Variants in BEAN1 observed in about 807,000 individuals in gnomAD.
BEAN1 encodes protein BEAN1.
A neutral mutation model predicts 17.7 loss-of-function variants in BEAN1; 17 were observed. The ratio of observed to expected loss-of-function variants is 0.96; its 90% CI spans 0.66 to 1.44. The LOEUF is 1.44. Ranked by LOEUF, BEAN1 falls within the 40% of genes most tolerant of loss-of-function variation. The probability of loss-of-function intolerance (pLI) is 0.00; values close to 1 mark genes in which losing one functional copy is unlikely to be tolerated. For missense variants in BEAN1, 359 were observed against 374.1 expected (o/e 0.96, Z 0.33); for synonymous variants, 142 against 151.8 (o/e 0.94, Z 0.47).
intron 2 of BEAN1, among the ~76,000 whole-genome samples, chr16:66,447,970 G>A (rs374204862): frequency 6.6e-6 from 1 of 152,248 alleles, no homozygotes; most frequent in Non-Finnish European, 1.5e-5. Flanking sequence ...CAGTGAAGAT[G>A]CAGAGGAGAA....
rs1238463570 is a variant in BEAN1 at position 66,471,928 on chromosome 16, A to C, written c.289+2063A>C. Among the ~76,000 whole-genome samples the C allele has an allele frequency of 6.6e-6, 1 of 152,116 alleles. No individual in the cohort carries two copies. The highest frequency in any genetic ancestry group is 6.5e-5 in the Admixed American group (1 of 15,282). ...CCCTGCAAGAGAAACCCAGGTCCCCAAGCCCTGGAGGATGCCGGGTAGACC... is the reference window on the plus strand; with the variant it reads ...CCCTGCAAGAGAAACCCAGGTCCCCCAGCCCTGGAGGATGCCGGGTAGACC... On this transcript the variant is annotated intron_variant, in intron 3 of 4. Coordinates refer to ENST00000536005, the MANE Select transcript of BEAN1 (RefSeq NM_001178020.3). This position sits in a 1 kb window ranked among gnomAD's most constrained non-coding sequence, Gnocchi z 4.7.
downstream of BEAN1, chr16:66,484,082 C>A (rs1276346966): frequency 5.6e-6 from 1 of 179,288 alleles, no homozygotes; most frequent in South Asian, 1.1e-4. This position sits in a 1 kb window ranked among gnomAD's most constrained non-coding sequence, Gnocchi z 4.2. Flanking sequence ...GAGGTTGAAC[C>A]CATTCAAGTA....
At chr16:66,460,991 A>G (rs1266710203) in intron 2 of BEAN1, among the ~76,000 whole-genome samples, 2 of 152,212 alleles carry the variant, frequency 1.3e-5, no homozygotes, top group African/African-American at 4.8e-5. Context: ...CATACAATAC[A>G]GTAGGTGCTC....
intron 2 of BEAN1, among the ~76,000 whole-genome samples, chr16:66,453,772 T>G (rs1055035907): frequency 2.0e-5 from 3 of 152,114 alleles, no homozygotes; most frequent in Non-Finnish European, 2.9e-5. Flanking sequence ...CTTGCTCTGT[T>G]GCCCAGGCTG....
At chr16:66,474,603 AGAGAGGG>A (rs1963639697) in intron 3 of BEAN1, among the ~76,000 whole-genome samples, 1 of 11,904 alleles carries the variant, frequency 8.4e-5, no homozygotes, top group African/African-American at 3.8e-4. Flanking sequence ...GGAGGGAGGG[AGAGAGGG>A]AGGGAGGAAG....
At chr16:66,438,479 T>C (rs1472626308) in intron 2 of BEAN1, among the ~76,000 whole-genome samples, 1 of 152,116 alleles carries the variant, frequency 6.6e-6, no homozygotes, top group African/African-American at 2.4e-5. Flanking sequence ...CCACAAAGAA[T>C]GTTTCATGGG....
chr16:66,449,674 C>T (rs955544475), intron 2 of BEAN1, among the ~76,000 whole-genome samples: 5 of 146,820 alleles, frequency 3.4e-5, no homozygotes, highest in African/African-American at 1.3e-4. Context: ...TATATTTTTT[C>T]AAGATAAAAG....
At chr16:66,464,941 G>C (rs2142422463) in intron 2 of BEAN1, among the ~76,000 whole-genome samples, 1 of 152,286 alleles carries the variant, frequency 6.6e-6, no homozygotes, top group East Asian at 1.9e-4. Flanking sequence ...ATGTTGAATA[G>C]AAGTACCAAA....
At chr16:66,454,799 G>T (rs1002701413) in intron 2 of BEAN1, among the ~76,000 whole-genome samples, 1 of 122,384 alleles carries the variant, frequency 8.2e-6, no homozygotes, top group African/African-American at 3.1e-5. Flanking sequence ...TCCTGAATAT[G>T]GATCATACTT....
At chr16:66,490,454 T>TAATAA (rs149115691) in intron 4 of BEAN1, among the ~76,000 whole-genome samples, 1 of 45,130 alleles carries the variant, frequency 2.2e-5, no homozygotes, top group Non-Finnish European at 5.7e-5. Flanking sequence ...TAAAATAAAA[T>TAATAA]AATAAAATAA....
At chr16:66,480,182 A>C (rs1963931333) in intron 4 of BEAN1, among the ~76,000 whole-genome samples, 1 of 151,950 alleles carries the variant, frequency 6.6e-6, no homozygotes, top group Admixed American at 6.5e-5. Flanking sequence ...ACTCTTTCCT[A>C]AACTGAGAAG....
At chr16:66,457,464 A>G (rs919042954) in intron 2 of BEAN1, among the ~76,000 whole-genome samples, 2 of 152,132 alleles carry the variant, frequency 1.3e-5, no homozygotes, top group African/African-American at 4.8e-5. Flanking sequence ...GGACCATGAC[A>G]AGACATTAGT....
chr16:66,470,058 G>A, intron 3 of BEAN1, 193 bp downstream of exon 3: 1 of 754,894 alleles, frequency 1.3e-6, no homozygotes, highest in South Asian at 1.9e-5. Context: ...AGGCCCGGAT[G>A]ACTGCTAAGA....
At chr16:66,494,949 T>C (rs900519210), downstream of BEAN1, among the ~76,000 whole-genome samples, 5 of 152,200 alleles carry the variant, frequency 3.3e-5, no homozygotes. Flanking sequence ...CAGGTGTCAC[T>C]AACCCAGGGA....
rs565643746 is a variant in BEAN1, at chr16:66,471,848, G to A, written c.289+1983G>A. ...GCCAGGACGGGCCTGTCCCACCCCT[G>A]CATCACCAACCTGAGGCTGCAGAGT... On this transcript the variant is annotated intron_variant, in intron 3 of 4. Transcript: ENST00000536005. The surrounding 1 kb of genome is among the most constrained non-coding windows in gnomAD (Gnocchi z 4.7). Among the ~76,000 whole-genome samples the A allele has an allele frequency of 1.3e-5, 2 of 152,344 alleles. No individual in the cohort carries two copies. The highest frequency in any genetic ancestry group is 1.3e-4 in the Admixed American group (2 of 15,306).
At chr16:66,484,665 G>A (rs956015177), downstream of BEAN1, 1 of 453,994 alleles carries the variant, frequency 2.2e-6, no homozygotes, top group African/African-American at 2.0e-5. This position sits in a 1 kb window ranked among gnomAD's most constrained non-coding sequence, Gnocchi z 4.2. Flanking sequence ...GTTCCCAGGA[G>A]TACCAGATGG....
At chr16:66,449,119 C>T (rs534005163) in intron 2 of BEAN1, among the ~76,000 whole-genome samples, 5 of 152,120 alleles carry the variant, frequency 3.3e-5, no homozygotes, top group African/African-American at 4.8e-5. Context: ...CTTTTGTCAC[C>T]GTAAATTAGT....
chr16:66,469,124 C>G (rs1963368663), intron 2 of BEAN1, among the ~76,000 whole-genome samples: 1 of 152,220 alleles, frequency 6.6e-6, no homozygotes, highest in African/African-American at 2.4e-5. Context: ...AATTTCAGCC[C>G]ACAGCCCCAG....
chr16:66,493,442 G>A, exon 5 of BEAN1: 1 of 611,100 alleles, frequency 1.6e-6, no homozygotes, highest in East Asian at 2.7e-5. Flanking sequence ...AGTCCTCTAG[G>A]GCCCCCAGTG....
Sources: gnomAD v4.1 joint callset for allele counts (sites outside exome capture counted in the v4.1 genomes callset) on GRCh38, gnomAD v4.1.1 for gene constraint, Gnocchi (gnomAD v3.1) non-coding constraint, MANE v1.5 for transcripts, NCBI Gene and HGNC (gene_info 2026-07-23, HGNC 2026-07-21) for gene names.